The following C1orf21 variants were observed in gnomAD, a reference collection of about 807,000 sequenced individuals.
C1orf21 encodes chromosome 1 open reading frame 21, also known as uncharacterized protein C1orf21.
In C1orf21, 3 loss-of-function variants were observed where a neutral mutation model predicts 18.7. That is an observed-to-expected ratio of 0.16 (90% confidence interval 0.07 to 0.42). The LOEUF (loss-of-function observed/expected upper bound fraction) is 0.42. C1orf21 is among the 10% of genes least tolerant of loss of function. C1orf21 has a pLI of 0.99. For synonymous variants in C1orf21, 41 were observed against 46.4 expected, an observed-to-expected ratio of 0.88 and a Z score of 0.47; for missense variants, 104 against 143.6, an observed-to-expected ratio of 0.72 and a Z score of 1.41.
At chr1:184,590,400 G>C (rs1659421069) in intron 3 of C1orf21, among the ~76,000 whole-genome samples, 1 of 152,166 alleles carries the variant, frequency 6.6e-6, no homozygotes, top group Non-Finnish European at 1.5e-5. Flanking sequence ...AGTGAACAAA[G>C]GCTGTGATTG....
intron 1 of C1orf21, among the ~76,000 whole-genome samples, chr1:184,473,002 G>A (rs1020327981): frequency 6.6e-6 from 1 of 152,302 alleles, no homozygotes; most frequent in East Asian, 1.9e-4. Flanking sequence ...TGTAAAGATG[G>A]CATTCAATTA....
At chr1:184,487,974 G>C (rs1434992762) in intron 2 of C1orf21, among the ~76,000 whole-genome samples, 1 of 152,232 alleles carries the variant, frequency 6.6e-6, no homozygotes, top group Non-Finnish European at 1.5e-5. Flanking sequence ...CAGTTGCGCA[G>C]ACCTCTGACC....
chr1:184,592,971 G>A (rs752707004), intron 4 of C1orf21, among the ~76,000 whole-genome samples: 3 of 152,096 alleles, frequency 2.0e-5, no homozygotes, highest in Non-Finnish European at 4.4e-5. Flanking sequence ...TGCTATGGCC[G>A]CAACCTCCCT....
At chr1:184,558,019 C>T (rs1658902191) in intron 3 of C1orf21, among the ~76,000 whole-genome samples, 2 of 152,118 alleles carry the variant, frequency 1.3e-5, no homozygotes, top group Admixed American at 6.5e-5. Context: ...TGAATTCAGG[C>T]ACATGTCTGT....
At chr1:184,607,204 T>C (rs1406811139) in intron 5 of C1orf21, among the ~76,000 whole-genome samples, 1 of 152,184 alleles carries the variant, frequency 6.6e-6, no homozygotes, top group African/African-American at 2.4e-5. Flanking sequence ...TGTTGGAGGC[T>C]TGCTTAGAGA....
At chr1:184,587,874 T>G (rs1659380711) in intron 3 of C1orf21, among the ~76,000 whole-genome samples, 1 of 152,066 alleles carries the variant, frequency 6.6e-6, no homozygotes, top group Admixed American at 6.6e-5. Flanking sequence ...CTCAGCCTCC[T>G]AAAGTGCTAG....
chr1:184,388,897 C>T (rs553894289), intron 1 of C1orf21, among the ~76,000 whole-genome samples: 50 of 152,080 alleles, frequency 3.3e-4, no homozygotes, highest in African/African-American at 8.2e-4. Flanking sequence ...TTGGAGTTTT[C>T]CCCCCTTTTT....
intron 2 of C1orf21, among the ~76,000 whole-genome samples, chr1:184,489,012 AGTG>A (rs1376643182): frequency 9.2e-5 from 14 of 152,268 alleles, no homozygotes; most frequent in African/African-American, 3.4e-4. Context: ...AAAAAACGCA[AGTG>A]AGTATATTTA....
intron 1 of C1orf21, among the ~76,000 whole-genome samples, chr1:184,402,687 A>G (rs1443705415): frequency 6.7e-6 from 1 of 150,238 alleles, no homozygotes; most frequent in Non-Finnish European, 1.5e-5. Flanking sequence ...ATTCATTTCT[A>G]TACATAGTTG....
chr1:184,589,575 A>G (rs1659409231), intron 3 of C1orf21, among the ~76,000 whole-genome samples: 1 of 152,224 alleles, frequency 6.6e-6, no homozygotes, highest in South Asian at 2.1e-4. Flanking sequence ...TCCTTCTTAA[A>G]TGTTCATGAA....
intron 3 of C1orf21, among the ~76,000 whole-genome samples, chr1:184,555,061 C>T (rs908247749): frequency 2.6e-5 from 4 of 152,164 alleles, no homozygotes; most frequent in African/African-American, 9.7e-5. Context: ...AGTTTTTGCT[C>T]ATTTCCCATT....
intron 2 of C1orf21, 28 bp downstream of exon 2, chr1:184,477,631 C>A (rs781262452): frequency 9.5e-6 from 15 of 1,580,382 alleles, no homozygotes; most frequent in African/African-American, 1.4e-5. Flanking sequence ...TGACTCTTGA[C>A]CCATTGATTC....
chr1:184,454,579 A>G (rs557513300), intron 1 of C1orf21, among the ~76,000 whole-genome samples: 3 of 152,198 alleles, frequency 2.0e-5, no homozygotes, highest in African/African-American at 7.2e-5. Context: ...GTGGATTTCC[A>G]TGAATGTTTT....
At chr1:184,444,430 C>G (rs989322847) in intron 1 of C1orf21, among the ~76,000 whole-genome samples, 5 of 152,142 alleles carry the variant, frequency 3.3e-5, no homozygotes, top group African/African-American at 1.2e-4. Flanking sequence ...GGGGTTTCCA[C>G]TTTTGCATCT....
intron 1 of C1orf21, among the ~76,000 whole-genome samples, chr1:184,470,060 C>T (rs576347998): frequency 6.6e-6 from 1 of 152,250 alleles, no homozygotes; most frequent in African/African-American, 2.4e-5. Flanking sequence ...CATACTTATT[C>T]TGCATTCAGT....
intron 5 of C1orf21, among the ~76,000 whole-genome samples, chr1:184,603,226 A>G (rs564825038): frequency 4.7e-4 from 72 of 152,350 alleles, no homozygotes; most frequent in Middle Eastern, 6.8e-3. Flanking sequence ...TGGCGACCCT[A>G]TCCATAGATA....
chr1:184,407,152 A>AT (rs1362434152), intron 1 of C1orf21, among the ~76,000 whole-genome samples: 2 of 152,064 alleles, frequency 1.3e-5, no homozygotes, highest in Non-Finnish European at 2.9e-5. Context: ...ATTTAAAAAA[A>AT]AATTTAGAGA....
intron 3 of C1orf21, among the ~76,000 whole-genome samples, chr1:184,554,772 C>A (rs964521465): frequency 1.3e-5 from 2 of 152,244 alleles, no homozygotes; most frequent in Non-Finnish European, 2.9e-5. Context: ...AAATTAGGGA[C>A]AGTCTCTTAA....
At chr1:184,545,877 G>A (rs1314855725) in intron 3 of C1orf21, 2 of 152,150 alleles carry the variant, frequency 1.3e-5, no homozygotes, top group Non-Finnish European at 2.9e-5. Flanking sequence ...GGCACTACCA[G>A]CCTGACTCTG....
Sources: allele counts gnomAD v4.1 joint callset (sites outside exome capture counted in the v4.1 genomes callset), GRCh38; gene constraint gnomAD v4.1.1; transcripts MANE v1.5; gene names NCBI Gene and HGNC (gene_info 2026-07-23, HGNC 2026-07-21).